The following CILP variants were observed in gnomAD, a reference collection of about 807,000 sequenced individuals.
The protein encoded by CILP is cartilage intermediate layer protein, also known as cartilage intermediate layer protein 1.
CILP carries 75 observed loss-of-function variants against 82.5 expected under a neutral mutation model. That is an observed-to-expected ratio of 0.91 (90% CI 0.75 to 1.10). The LOEUF (loss-of-function observed/expected upper bound fraction) is 1.10, where lower values mean the gene tolerates loss of function less well. Among genes scored for constraint, CILP ranks in the 50% least tolerant of loss-of-function variants. The pLI is 0.00. For synonymous variants in CILP, 530 were observed against 580.3 expected, an observed-to-expected ratio of 0.91 and a Z score of 1.25; for missense variants, 1,479 against 1,530.8, an observed-to-expected ratio of 0.97 and a Z score of 0.56.
rs1376782765 is a variant in CILP, at chr15:65,209,699, C to A, written c.57G>T (p.Val19=). ...CAGCAGATACTTAGCCTATACCCAA[C>A]ACAGATGTGACTTCCAGGACCAGGA... The part of the protein sequence containing the change: ...FSFLVLEVTS[V]LGRQTMLTQS... The change falls in exon 2 of 9, where the codon GTG becomes GTT. Residue 19 remains valine (V), a synonymous_variant. Transcript: ENST00000261883. 6.8e-6 allele frequency: 11 copies of A among 1,614,080 alleles called. No individual in the cohort carries two copies. The highest frequency in any genetic ancestry group is 2.2e-5 in the South Asian group (2 of 91,082).
intron 8 of CILP, among the ~76,000 whole-genome samples, chr15:65,199,621 G>A (rs959616444): frequency 6.6e-6 from 1 of 152,128 alleles, no homozygotes; most frequent in African/African-American, 2.4e-5. Context: ...CTAGGAGTTC[G>A]AGACCAGCCA....
chr15:65,199,607 G>C (rs2088425502), intron 8 of CILP, among the ~76,000 whole-genome samples: 1 of 152,214 alleles, frequency 6.6e-6, no homozygotes, highest in African/African-American at 2.4e-5. Context: ...TGGGTTGCTT[G>C]AGCCTAGGAG....
chr15:65,204,697 G>C (rs894238935), intron 5 of CILP, 115 bp from the exon 6 acceptor site: 1 of 1,031,714 alleles, frequency 9.7e-7, no homozygotes. Flanking sequence ...TTATCAGCCT[G>C]CATGACTAAC....
intron 8 of CILP, among the ~76,000 whole-genome samples, chr15:65,200,018 AATG>A (rs2088430561): frequency 6.6e-6 from 1 of 152,204 alleles, no homozygotes; most frequent in African/African-American, 2.4e-5. Context: ...TGAATGCCAG[AATG>A]ATACCTCTGT....
chr15:65,210,733 T>C (rs1328813425), intron 1 of CILP, among the ~76,000 whole-genome samples: 1 of 152,152 alleles, frequency 6.6e-6, no homozygotes, highest in Non-Finnish European at 1.5e-5. Flanking sequence ...TCCTCCTCTC[T>C]AAAAAATACA....
At position 65,197,022 on chromosome 15, in the gene CILP, C is replaced by G. The variant is rs1427274000; in HGVS notation, c.3264G>C (p.Lys1088Asn). Residue 1088 changes from lysine (K) to asparagine (N), a missense_variant, in exon 9 of 9, where the codon AAG becomes AAC. Lys to Asn is a moderately conservative substitution (Grantham distance 94). Transcript: ENST00000261883. ...CAAAGCACCGGCCGAGCGCGATCTC[C>G]TTGGCCGTGCGAGGGTCCTGGTCAG... ...TVTDQDPRTA[K>N]EIALGRCFDG... 1 of 1,614,206 alleles carries G rather than the reference C, an allele frequency of 6.2e-7. No individual in the cohort carries two copies.
At position 65,205,415 on chromosome 15, in the gene CILP, C is replaced by T. The variant is rs2088507727; in HGVS notation, c.476G>A (p.Ser159Asn). The T allele has an allele frequency of 6.2e-7, 1 of 1,614,002 alleles. No homozygotes were observed. The highest frequency in any genetic ancestry group is 1.1e-5 in the South Asian group (1 of 91,080). ...CTGACCACAGGCAGCTGAGCACTTGCTCCAGGGAGACCATGGGCTCCAGAT... is the reference window on the plus strand; with the variant it reads ...CTGACCACAGGCAGCTGAGCACTTGTTCCAGGGAGACCATGGGCTCCAGAT... ...ERIWSPWSPW[S>N]KCSAACGQTG... The change falls in exon 5 of 9, where the codon AGC becomes AAC. Residue 159 changes from serine (S) to asparagine (N), a missense_variant. Physicochemically the swap from Ser to Asn is conservative, Grantham distance 46. Coordinates refer to ENST00000261883, the MANE Select transcript of CILP (RefSeq NM_003613.4).
In CILP at chr15:65,198,103, G is replaced by A. The variant is rs142177709; in HGVS notation, c.2183C>T (p.Thr728Ile). ...AATCTCCAGGTTGCCCACCAGGAAG[G>A]TTCTGTCTTCTCTTTTGTTCCTCCT... The part of the protein sequence containing the change: ...NQRRNKREDR[T>I]FLVGNLEIRE... The change falls in exon 9 of 9, where the codon ACC becomes ATC. Residue 728 changes from threonine (T) to isoleucine (I), a missense_variant. Thr to Ile is a moderately conservative substitution (Grantham distance 89). Transcript: ENST00000261883. 4.4e-5 allele frequency: 71 copies of A among 1,614,220 alleles called. No homozygotes were observed. The highest frequency in any genetic ancestry group is 5.4e-5 in the Non-Finnish European group (64 of 1,180,040).
chr15:65,199,329 T>C (rs2088422552), intron 8 of CILP, among the ~76,000 whole-genome samples: 1 of 152,156 alleles, frequency 6.6e-6, no homozygotes, highest in African/African-American at 2.4e-5. Flanking sequence ...TTTGTCTCAA[T>C]GGAGGGGTCT....
rs2088409236 is a variant in CILP, at chr15:65,198,545, C to A, written c.1741G>T (p.Ala581Ser). The stretch of plus-strand genomic sequence containing the variant: ...AGGGGGATGATGTTGGTCTCCATGG[C>A]TTCCAAAGTGATGGGCTTTTTCCGA... ...LRRKKPITLE[A>S]METNIIPLGE... Residue 581 changes from alanine to serine, a missense_variant, in exon 9 of 9, where the codon GCC (alanine) becomes TCC (serine). By Grantham distance (99) the Ala-to-Ser change is moderately conservative. Coordinates refer to ENST00000261883, the MANE Select transcript of CILP (RefSeq NM_003613.4). 2 of 1,614,116 alleles carry A rather than the reference C, an allele frequency of 1.2e-6. No homozygotes were observed. The highest frequency in any genetic ancestry group is 1.7e-5 in the Admixed American group (1 of 60,014).
rs1465019931 is a variant in CILP, at chr15:65,197,908, C to G, written c.2378G>C (p.Trp793Ser). 1.9e-6 allele frequency: 3 copies of G among 1,614,144 alleles called. No homozygotes were observed. Among genetic ancestry groups the G allele is most frequent in the Middle Eastern group, 1.6e-4 (1 of 6,062 alleles). ...TGTGATGACACTGTCAAAGCGGCCC[C>G]AGGCCCTAGGGTTGGACAAGAAGCC... ...RTGFLSNPRA[W>S]GRFDSVITGP... The change falls in exon 9 of 9, where the codon TGG (tryptophan) becomes TCG (serine). Residue 793 changes from tryptophan to serine, a missense_variant. By Grantham distance (177) the Trp-to-Ser change is radical. Transcript: ENST00000261883.
rs772689886 is a variant in CILP, at chr15:65,196,796, G to A, written c.3490C>T (p.Arg1164Cys). The A allele has an allele frequency of 6.8e-5, 108 of 1,598,520 alleles. No homozygotes were observed. The highest frequency in any genetic ancestry group is 7.9e-5 in the Non-Finnish European group (92 of 1,170,932). Reference sequence around the variant, plus strand: ...AGAGAGGCCACCACTCCACCCTGGCGCTGGCCACCCCTGCTCGCTCGCTGC... The same window carrying A: ...AGAGAGGCCACCACTCCACCCTGGCACTGGCCACCCCTGCTCGCTCGCTGC... The part of the protein sequence containing the change: ...RQQRASRGGQ[R>C]QGGVVASLRF... The change falls in exon 9 of 9, where the codon CGC becomes TGC. Residue 1164 changes from arginine (R) to cysteine (C), a missense_variant. Coordinates refer to ENST00000261883, the MANE Select transcript of CILP (RefSeq NM_003613.4).
At position 65,203,545 on chromosome 15, in the gene CILP, C is replaced by T; in HGVS notation, c.920-75G>A. On this transcript the variant is annotated intron_variant, in intron 6 of 8. Transcript: ENST00000261883. ...GACAGGTTCTACAGAGCCTAGCTCC[C>T]TCAGGGTCTTTGATGTTGTGAAAAT... is the stretch of plus-strand genomic sequence containing the variant. 9.6e-6 allele frequency: 10 copies of T among 1,038,938 alleles called. No individual in the cohort carries two copies. The South Asian group carries it at 1.2e-4, about 12-fold the overall frequency. The allele number at this position is 1,038,938 out of a possible 1,614,324, so 64.4% of individuals were successfully genotyped here. A position where few individuals can be genotyped will look rare whatever the true frequency, so the allele number is the denominator to read the frequency against.
rs2088421579 is a variant in CILP at position 65,199,213 on chromosome 15, T to C, written c.1187-114A>G. On this transcript the variant is annotated intron_variant, in intron 8 of 8. Transcript: ENST00000261883. The stretch of plus-strand genomic sequence containing the variant: ...GGTTTTCAAAGGACTTGTATATCCA[T>C]GATTCTCATTCTCACAGAACTCTCT... 4.3e-6 allele frequency: 3 copies of C among 696,798 alleles called. No individual in the cohort carries two copies. In the South Asian group the frequency reaches 5.7e-5, roughly 13 times the overall value. The allele number at this position is 696,798 out of a possible 1,614,324, so 43.2% of individuals were successfully genotyped here.
At chr15:65,202,744 T>C (rs1482632507) in intron 7 of CILP, among the ~76,000 whole-genome samples, 1 of 151,404 alleles carries the variant, frequency 6.6e-6, no homozygotes, top group Non-Finnish European at 1.5e-5. Flanking sequence ...TTGCTTTTAT[T>C]GGGAAAAGCA....
chr15:65,207,796 G>A, intron 2 of CILP, 32 bp from the exon 3 acceptor site: 2 of 1,574,006 alleles, frequency 1.3e-6, no homozygotes, highest in Non-Finnish European at 1.7e-6. Context: ...TAAGTGAGAG[G>A]CCAGGACTGG....
At chr15:65,204,152 G>T in intron 6 of CILP, 116 bp downstream of exon 6, 1 of 866,098 alleles carries the variant, frequency 1.2e-6, no homozygotes, top group Non-Finnish European at 1.8e-6. Flanking sequence ...TGTGGGCCAT[G>T]GTAAGGATTC....
Position 65,204,536 on chromosome 15 carries a change from A to G in CILP, c.651T>C (p.Asp217=). ...CPMGQVNADC[D]ACMCQDFMLH... is the part of the protein sequence containing the mutation. ...GCATGAAGTCCTGGCACATGCAGGC[A>G]TCACAGTCAGCATTCACCTGGCCCA... is the stretch of plus-strand genomic sequence containing the variant. The change falls in exon 6 of 9, where the codon GAT becomes GAC. Residue 217 remains aspartate (D), a synonymous_variant. Coordinates refer to ENST00000261883, the MANE Select transcript of CILP (RefSeq NM_003613.4). 7.4e-6 allele frequency: 12 copies of G among 1,613,188 alleles called. No homozygotes were observed. The highest frequency in any genetic ancestry group is 1.0e-5 in the Non-Finnish European group (12 of 1,179,762).
chr15:65,204,691 C>T (rs2088497988), intron 5 of CILP, 109 bp from the exon 6 acceptor site: 1 of 1,107,452 alleles, frequency 9.0e-7, no homozygotes, highest in African/African-American at 1.6e-5. Context: ...CCTCCCTTAT[C>T]AGCCTGCATG....
Sources: gnomAD v4.1 joint callset for allele counts (sites outside exome capture counted in the v4.1 genomes callset) on GRCh38, gnomAD v4.1.1 for gene constraint, MANE v1.5 for transcripts, NCBI Gene and HGNC (gene_info 2026-07-23, HGNC 2026-07-21) for gene names.